POU6F2: variants seen among roughly 807,000 people sequenced by gnomAD.
POU6F2 encodes POU domain, class 6, transcription factor 2.
Under a neutral mutation model 71.3 loss-of-function variants are expected in POU6F2, and 31 were observed. The ratio of observed to expected loss-of-function variants is 0.43; its 90% CI spans 0.33 to 0.59. POU6F2 has a LOEUF of 0.59. Ranked by LOEUF, POU6F2 falls within the 20% of genes least tolerant of loss-of-function variation. The pLI, the probability that POU6F2 is intolerant of heterozygous loss-of-function variation, is 0.04. For synonymous variants in POU6F2, 347 were observed against 355.7 expected (o/e 0.98, Z 0.27); for missense variants, 783 against 856.8 (o/e 0.91, Z 1.07).
chr7:39,006,367 G>A lies in POU6F2; in HGVS notation c.105+28309G>A, dbSNP rs1441870434. On this transcript the variant is annotated intron_variant, in intron 1 of 9. Coordinates refer to ENST00000518318, the MANE Select transcript of POU6F2 (RefSeq NM_001370959.1). ...TAATCCCAGCTACTCAGGAGGGTGA[G>A]GCAGGAGAATTGCTTGAACCTGGGA... Among the ~76,000 whole-genome samples the A allele has an allele frequency of 3.3e-5, 5 of 152,114 alleles. No homozygotes were observed. The East Asian group carries it at 9.6e-4, about 29-fold the overall frequency.
chr7:39,016,035 A>C (rs1789526071), intron 1 of POU6F2, among the ~76,000 whole-genome samples: 1 of 79,336 alleles, frequency 1.3e-5, no homozygotes, highest in Non-Finnish European at 2.3e-5. Flanking sequence ...ATATATAGAT[A>C]TATATTATAT....
chr7:39,146,713 G>C (rs144583517), intron 2 of POU6F2, among the ~76,000 whole-genome samples: 3 of 152,136 alleles, frequency 2.0e-5, no homozygotes, highest in Admixed American at 2.0e-4. Flanking sequence ...GGTGATGGTG[G>C]TGAGTTGATA....
intron 5 of POU6F2, among the ~76,000 whole-genome samples, chr7:39,345,200 TGTA>T (rs1786005772): frequency 6.6e-6 from 1 of 152,216 alleles, no homozygotes; most frequent in African/African-American, 2.4e-5. Flanking sequence ...CTTAAAATAT[TGTA>T]GTAAGGTCTT....
At chr7:39,396,939 C>T (rs556752771) in intron 5 of POU6F2, among the ~76,000 whole-genome samples, 174 of 151,888 alleles carry the variant, frequency 1.1e-3, no homozygotes, top group African/African-American at 4.1e-3. Flanking sequence ...CTTTATCCTT[C>T]AGCTCCCAAA....
At chr7:39,073,027 T>C (rs1205984650) in intron 1 of POU6F2, among the ~76,000 whole-genome samples, 2 of 152,178 alleles carry the variant, frequency 1.3e-5, no homozygotes, top group Admixed American at 1.3e-4. Context: ...GTCTACTAGA[T>C]GGTGACTTTT....
intron 1 of POU6F2, among the ~76,000 whole-genome samples, chr7:39,070,929 C>T (rs1200565311): frequency 1.3e-5 from 2 of 152,158 alleles, no homozygotes; most frequent in African/African-American, 2.4e-5. Context: ...GAGGTGTTCC[C>T]ATCACTTAGA....
At chr7:39,133,964 T>A (rs1362576514) in intron 2 of POU6F2, among the ~76,000 whole-genome samples, 1 of 152,196 alleles carries the variant, frequency 6.6e-6, no homozygotes, top group Non-Finnish European at 1.5e-5. Context: ...AGCCTTGACC[T>A]CTTGGGCTCA....
At chr7:39,106,205 A>C (rs996800078) in intron 2 of POU6F2, among the ~76,000 whole-genome samples, 1 of 152,200 alleles carries the variant, frequency 6.6e-6, no homozygotes, top group East Asian at 1.9e-4. Flanking sequence ...AAGTTTTGTC[A>C]TTTACAGAAA....
At chr7:39,054,765 GC>G (rs1485516446) in intron 1 of POU6F2, among the ~76,000 whole-genome samples, 2 of 119,942 alleles carry the variant, frequency 1.7e-5, no homozygotes, top group Non-Finnish European at 3.4e-5. Context: ...AAAGATCAGA[GC>G]TTTTTGGAGA....
intron 4 of POU6F2, among the ~76,000 whole-genome samples, chr7:39,272,526 A>C (rs896582097): frequency 6.6e-6 from 1 of 152,118 alleles, no homozygotes; most frequent in African/African-American, 2.4e-5. Context: ...AAACAAAAAC[A>C]CCTATTTAGC....
At chr7:39,126,276 G>C (rs1290336942) in intron 2 of POU6F2, among the ~76,000 whole-genome samples, 1 of 152,218 alleles carries the variant, frequency 6.6e-6, no homozygotes, top group Admixed American at 6.5e-5. Flanking sequence ...GAAAGGAAAA[G>C]GAAAGTGGAG....
intron 4 of POU6F2, among the ~76,000 whole-genome samples, chr7:39,314,484 G>T (rs955047616): frequency 2.0e-5 from 3 of 152,192 alleles, no homozygotes; most frequent in Non-Finnish European, 4.4e-5. Context: ...GCATTTTGAT[G>T]AGAGGGCATT....
intron 4 of POU6F2, among the ~76,000 whole-genome samples, chr7:39,235,531 G>C (rs1794659678): frequency 6.6e-6 from 1 of 152,134 alleles, no homozygotes; most frequent in East Asian, 1.9e-4. Flanking sequence ...TCTCCCCTGA[G>C]AGTCAAAGTT....
chr7:39,154,491 C>T (rs1792825453), intron 2 of POU6F2, among the ~76,000 whole-genome samples: 2 of 152,156 alleles, frequency 1.3e-5, no homozygotes, highest in South Asian at 4.1e-4. Flanking sequence ...AGCATTATGT[C>T]TAAGTTCATT....
intron 1 of POU6F2, among the ~76,000 whole-genome samples, chr7:39,038,928 G>A (rs564582127): frequency 6.6e-6 from 1 of 151,974 alleles, no homozygotes; most frequent in Admixed American, 6.6e-5. Context: ...GACAAAAGAA[G>A]GGGAAACTGT....
chr7:39,043,862 G>T (rs1252925273), intron 1 of POU6F2, among the ~76,000 whole-genome samples: 1 of 151,796 alleles, frequency 6.6e-6, no homozygotes, highest in Non-Finnish European at 1.5e-5. Context: ...CTGCCCCCTT[G>T]GTCCTCCATT....
chr7:39,195,010 AG>A (rs1258319877), intron 2 of POU6F2, among the ~76,000 whole-genome samples: 1 of 152,192 alleles, frequency 6.6e-6, no homozygotes, highest in Non-Finnish European at 1.5e-5. Context: ...ACTCACCACG[AG>A]GGTCCGCGGT....
intron 4 of POU6F2, among the ~76,000 whole-genome samples, chr7:39,332,870 G>C (rs1291949418): frequency 3.9e-5 from 6 of 152,216 alleles, no homozygotes; most frequent in Non-Finnish European, 7.3e-5. Context: ...TTTGGGGTGA[G>C]ATTGTAGGCT....
chr7:39,019,059 A>ATT (rs1351254895), intron 1 of POU6F2, among the ~76,000 whole-genome samples: 1 of 152,054 alleles, frequency 6.6e-6, no homozygotes, highest in African/African-American at 2.4e-5. Context: ...TAAACCTTAT[A>ATT]TTTTCCTCAT....
Sources: allele counts gnomAD v4.1 joint callset (sites outside exome capture counted in the v4.1 genomes callset), GRCh38; gene constraint gnomAD v4.1.1; transcripts MANE v1.5; gene names NCBI Gene and HGNC (gene_info 2026-07-23, HGNC 2026-07-21).